Variants in CCAR2 observed in about 807,000 individuals in gnomAD.
CCAR2 encodes cell cycle and apoptosis regulator protein 2.
In CCAR2, 21 loss-of-function variants were observed where a neutral mutation model predicts 108.1. That is an observed-to-expected ratio of 0.19 (90% CI 0.14 to 0.28). The LOEUF is 0.28. CCAR2 is among the 10% of genes least tolerant of loss of function. CCAR2 has a pLI of 1.00. For missense variants in CCAR2, 1,126 were observed against 1,177.0 expected (o/e 0.96, Z 0.63); for synonymous variants, 577 against 472.8 (o/e 1.22, Z -2.86).
At position 22,617,144 on chromosome 8, in the gene CCAR2, C is replaced by T. The variant is rs1432792560; in HGVS notation, c.1846-276C>T. On this transcript the variant is annotated intron_variant, in intron 14 of 20. Coordinates refer to ENST00000308511, the MANE Select transcript of CCAR2 (RefSeq NM_001393997.1). ...GGATTACAGGTGTGAGCCACCATGG[C>T]CAGCTGCTGCTTGTTTAAATACTAT... Among the ~76,000 whole-genome samples, 3 of 151,852 alleles carry T rather than the reference C, an allele frequency of 2.0e-5. No homozygotes were observed. In the East Asian group the frequency reaches 5.9e-4, roughly 30 times the overall value.
chr8:22,618,888 A>C lies in CCAR2; in HGVS notation c.2394A>C (p.Glu798Asp). ...CGAAGCCAGGTGCTGCCCCCACAGA[A>C]CACAAAGCCTTGGTGTCCCACAATG... Reference protein sequence around the residue: ...KSTKPGAAPTEHKALVSHNGS... With the variant: ...KSTKPGAAPTDHKALVSHNGS... The change falls in exon 19 of 21, where the codon GAA (glutamate) becomes GAC (aspartate). Residue 798 changes from glutamate to aspartate, a missense_variant. Coordinates refer to ENST00000308511, the MANE Select transcript of CCAR2 (RefSeq NM_001393997.1). The C allele has an allele frequency of 6.2e-7, 1 of 1,613,998 alleles. No individual in the cohort carries two copies.
At position 22,608,033 on chromosome 8, in the gene CCAR2, G is replaced by C; in HGVS notation, c.552G>C (p.Arg184=). 2 of 1,613,962 alleles carry C rather than the reference G, an allele frequency of 1.2e-6. No individual in the cohort carries two copies. The highest frequency in any genetic ancestry group is 1.3e-5 in the African/African-American group (1 of 75,032). The part of the protein sequence containing the change: ...HLSHLNRFPA[R]GPHGRLDQGR... ...GCCACCTGAACAGATTTCCTGCCCG[G>C]GGCCCTCATGGACGGTTGGATCAGG... Residue 184 remains arginine, a synonymous_variant, in exon 7 of 21, where the codon CGG becomes CGC. Transcript: ENST00000308511.
chr8:22,613,834 TC>T, intron 8 of CCAR2: 1 of 447,708 alleles, frequency 2.2e-6, no homozygotes, highest in Admixed American at 3.9e-5. Context: ...ATTTGTGAGT[TC>T]CTTTATATTA....
intron 1 of CCAR2, 93 bp downstream of exon 1, chr8:22,604,935 C>T (rs952957594): frequency 8.4e-6 from 3 of 355,104 alleles, no homozygotes; most frequent in Non-Finnish European, 1.6e-5. Context: ...GGCGAAGATG[C>T]GTGGGGCGCG....
Position 22,614,190 on chromosome 8 carries a change from C to T in CCAR2, c.803C>T (p.Pro268Leu). The T allele has an allele frequency of 1.2e-6, 2 of 1,614,128 alleles. No individual in the cohort carries two copies. The highest frequency in any genetic ancestry group is 1.3e-5 in the African/African-American group (1 of 75,062). ...SVHLSWLSAF[P>L]LSQPFSLHHP... ...CATCTGAGTTGGCTATCAGCCTTCC[C>T]CCTGAGCCAGCCCTTTTCCCTCCAT... Residue 268 changes from proline to leucine, a missense_variant, in exon 9 of 21, where the codon CCC (proline) becomes CTC (leucine). By Grantham distance (98) the Pro-to-Leu change is moderately conservative. Coordinates refer to ENST00000308511, the MANE Select transcript of CCAR2 (RefSeq NM_001393997.1).
chr8:22,613,550 C>T (rs999179149), intron 8 of CCAR2, among the ~76,000 whole-genome samples: 1 of 152,150 alleles, frequency 6.6e-6, no homozygotes, highest in Non-Finnish European at 1.5e-5. Flanking sequence ...CTTTAAGCTT[C>T]CATAGCTATT....
At chr8:22,612,208 A>G (rs1801312744) in intron 7 of CCAR2, among the ~76,000 whole-genome samples, 1 of 151,978 alleles carries the variant, frequency 6.6e-6, no homozygotes. Context: ...CGGCCTCCCT[A>G]AGTGCTGGGA....
chr8:22,607,872 T>A (rs34027561), intron 6 of CCAR2, 97 bp from the exon 7 acceptor site: 4 of 931,384 alleles, frequency 4.3e-6, no homozygotes, highest in African/African-American at 3.3e-5. Context: ...GTGATCCATC[T>A]GCACTGTCCT....
chr8:22,618,665 C>A lies in CCAR2; in HGVS notation c.2269C>A (p.Arg757=). Residue 757 remains arginine (R), a synonymous_variant, in exon 18 of 21, where the codon CGG becomes AGG. Transcript: ENST00000308511. ...RVVTQNICQY[R]SLQYSRQEGL... is the part of the protein sequence containing the mutation. ...GGTGACCCAGAACATCTGCCAGTACCGGAGCCTTCAGTACAGCCGCCAGGA... is the reference window on the plus strand; with the variant it reads ...GGTGACCCAGAACATCTGCCAGTACAGGAGCCTTCAGTACAGCCGCCAGGA... 6.2e-7 allele frequency: 1 copy of A among 1,614,080 alleles called. No individual in the cohort carries two copies. Among genetic ancestry groups the A allele is most frequent in the Non-Finnish European group, 8.5e-7 (1 of 1,180,044 alleles).
chr8:22,621,173 G>A (rs765925631), downstream of CCAR2: 47 of 514,224 alleles, frequency 9.1e-5, 1 homozygote, highest in Non-Finnish European at 1.2e-4. Context: ...CATGCTGGAC[G>A]GTTCTCCAAA....
chr8:22,608,208 C>T, intron 7 of CCAR2, 143 bp downstream of exon 7: 1 of 619,150 alleles, frequency 1.6e-6, no homozygotes, highest in Non-Finnish European at 2.9e-6. Context: ...ACATTCTTTG[C>T]CTGCAGCTAG....
At chr8:22,621,281 A>G (rs995412507), downstream of CCAR2, 1 of 1,116,674 alleles carries the variant, frequency 9.0e-7, no homozygotes. Context: ...AGGCTCAGGA[A>G]GAGTCATTCA....
At position 22,618,737 on chromosome 8, in the gene CCAR2, T is replaced by TG; in HGVS notation, c.2332+13dup. 1.2e-6 allele frequency: 2 copies of TG among 1,613,852 alleles called. No homozygotes were observed. Among genetic ancestry groups the TG allele is most frequent in the Non-Finnish European group, 8.5e-7 (1 of 1,179,944 alleles). On this transcript the variant is annotated intron_variant, in intron 18 of 20. Coordinates refer to ENST00000308511, the MANE Select transcript of CCAR2 (RefSeq NM_001393997.1). ...CGAGGAGGTGCTCTTCGGTATGTTCTGGGGCCCTGCAGCCTTCCTGGGGCA... is the reference window on the plus strand; with the variant it reads ...CGAGGAGGTGCTCTTCGGTATGTTCTGGGGGCCCTGCAGCCTTCCTGGGGCA...
chr8:22,621,324 C>T, downstream of CCAR2: 7 of 1,462,876 alleles, frequency 4.8e-6, no homozygotes, highest in Non-Finnish European at 5.5e-6. Flanking sequence ...CCAGGGCCAC[C>T]TCTGTCCCCA....
intron 1 of CCAR2, 137 bp from the exon 2 acceptor site, chr8:22,605,599 C>A: frequency 1.6e-6 from 1 of 616,724 alleles, no homozygotes; most frequent in Non-Finnish European, 2.9e-6. Flanking sequence ...TATATTCTCT[C>A]CATCCATTGC....
intron 11 of CCAR2, 136 bp from the exon 12 acceptor site, chr8:22,615,289 C>G: frequency 2.7e-6 from 3 of 1,127,260 alleles, no homozygotes; most frequent in Non-Finnish European, 3.8e-6. Flanking sequence ...TGTAGCTTTC[C>G]TGTTGTGTCT....
In CCAR2 at chr8:22,615,796, C is replaced by A. The variant is rs1432424529; in HGVS notation, c.1492C>A (p.Pro498Thr). 1.2e-6 allele frequency: 2 copies of A among 1,613,870 alleles called. No individual in the cohort carries two copies. The highest frequency in any genetic ancestry group is 8.5e-7 in the Non-Finnish European group (1 of 1,180,032). The change falls in exon 13 of 21, where the codon CCA (proline) becomes ACA (threonine). Residue 498 changes from proline to threonine, a missense_variant. Pro to Thr is a conservative substitution (Grantham distance 38). Coordinates refer to ENST00000308511, the MANE Select transcript of CCAR2 (RefSeq NM_001393997.1). ...ACAGCAGGAAACGGACACTGATCTC[C>A]CAGAGGCCCCTCCACCCCCCCTAGA... ...TTQQETDTDL[P>T]EAPPPPLEPA...
chr8:22,617,848 T>C, intron 16 of CCAR2, 70 bp downstream of exon 16: 1 of 1,496,864 alleles, frequency 6.7e-7, no homozygotes, highest in Admixed American at 1.7e-5. Flanking sequence ...GGCCCACTCC[T>C]GGGAGAAGGA....
intron 14 of CCAR2, among the ~76,000 whole-genome samples, chr8:22,617,063 TG>T (rs1388030936): frequency 6.6e-6 from 1 of 151,334 alleles, no homozygotes; most frequent in Non-Finnish European, 1.5e-5. Context: ...TTTGTAGAGA[TG>T]GGGTTTCACC....
Sources: gnomAD v4.1 joint callset for allele counts (sites outside exome capture counted in the v4.1 genomes callset) on GRCh38, gnomAD v4.1.1 for gene constraint, MANE v1.5 for transcripts, NCBI Gene and HGNC (gene_info 2026-07-23, HGNC 2026-07-21) for gene names.